SLIT2: variants seen among roughly 807,000 people sequenced by gnomAD.
SLIT2 encodes slit homolog 2 protein.
A neutral mutation model predicts 185.7 loss-of-function variants in SLIT2; 41 were observed. That is an observed-to-expected ratio of 0.22 (90% CI 0.17 to 0.29). The LOEUF (loss-of-function observed/expected upper bound fraction) is 0.29. Ranked by LOEUF, SLIT2 falls within the 10% of genes least tolerant of loss-of-function variation. SLIT2 has a pLI of 1.00. For missense variants in SLIT2, 1,571 were observed against 1,909.0 expected (o/e 0.82, Z 3.30); for synonymous variants, 693 against 680.2 (o/e 1.02, Z -0.29).
intron 4 of SLIT2, among the ~76,000 whole-genome samples, chr4:20,426,553 C>T (rs546240062): frequency 1.3e-5 from 2 of 152,038 alleles, no homozygotes; most frequent in Admixed American, 6.6e-5. Flanking sequence ...TTGACAGGTA[C>T]GGCCATTTGC....
chr4:20,319,582 G>A (rs1318903969), intron 4 of SLIT2, among the ~76,000 whole-genome samples: 1 of 152,072 alleles, frequency 6.6e-6, no homozygotes, highest in Non-Finnish European at 1.5e-5. Flanking sequence ...ATATTTATTT[G>A]TGTGGCTTTT....
At chr4:20,419,920 T>G (rs562293278) in intron 4 of SLIT2, among the ~76,000 whole-genome samples, 28 of 152,232 alleles carry the variant, frequency 1.8e-4, no homozygotes, top group Non-Finnish European at 3.7e-4. Flanking sequence ...CTTTTGGTCC[T>G]AGAAAAGGTC....
At chr4:20,601,598 G>C (rs1028947301) in intron 33 of SLIT2, among the ~76,000 whole-genome samples, 1 of 152,072 alleles carries the variant, frequency 6.6e-6, no homozygotes, top group African/African-American at 2.4e-5. Context: ...TCTTAGCTCT[G>C]ATACGGCTAA....
At chr4:20,460,828 C>G (rs1345062918) in intron 4 of SLIT2, among the ~76,000 whole-genome samples, 1 of 152,078 alleles carries the variant, frequency 6.6e-6, no homozygotes, top group African/African-American at 2.4e-5. Context: ...CTAAAAATGT[C>G]AACTTAAATT....
At chr4:20,497,532 G>A (rs1402047321) in intron 9 of SLIT2, among the ~76,000 whole-genome samples, 1 of 152,128 alleles carries the variant, frequency 6.6e-6, no homozygotes, top group Non-Finnish European at 1.5e-5. Context: ...ACGTAGACAA[G>A]GCATTAAGAT....
At chr4:20,272,271 T>TAAAAAA (rs5856553) in intron 4 of SLIT2, among the ~76,000 whole-genome samples, 1 of 145,214 alleles carries the variant, frequency 6.9e-6, no homozygotes, top group African/African-American at 2.6e-5. Flanking sequence ...GGTTGGAGGT[T>TAAAAAA]AAAAAAAAAA....
chr4:20,511,587 A>ATTTTTTTTTTTATTTTTTTTTTTTTTT (rs1553915355), intron 11 of SLIT2, among the ~76,000 whole-genome samples: 1 of 82,210 alleles, frequency 1.2e-5, no homozygotes, highest in Non-Finnish European at 2.2e-5. Flanking sequence ...CATCCAGCTA[A>ATTTTTTTTTTTATTTTTTTTTTTTTTT]TTTTTTTTTT....
chr4:20,460,207 A>G (rs1002470614), intron 4 of SLIT2, among the ~76,000 whole-genome samples: 1 of 151,814 alleles, frequency 6.6e-6, no homozygotes, highest in East Asian at 1.9e-4. Context: ...TTGCGCAAAC[A>G]TTTGGCGATG....
chr4:20,375,030 G>C (rs1171203185), intron 4 of SLIT2, among the ~76,000 whole-genome samples: 2 of 151,964 alleles, frequency 1.3e-5, no homozygotes, highest in African/African-American at 4.8e-5. Flanking sequence ...AAAGAATGGA[G>C]CAGTGAACTA....
At chr4:20,599,579 TA>T (rs1461019882) in intron 33 of SLIT2, among the ~76,000 whole-genome samples, 1 of 152,170 alleles carries the variant, frequency 6.6e-6, no homozygotes, top group African/African-American at 2.4e-5. Flanking sequence ...GAACCAATAG[TA>T]AATATTTGTC....
At chr4:20,323,784 G>A (rs1400135179) in intron 4 of SLIT2, among the ~76,000 whole-genome samples, 1 of 152,186 alleles carries the variant, frequency 6.6e-6, no homozygotes, top group Admixed American at 6.6e-5. Flanking sequence ...ATCAAGTTAT[G>A]TCACTCGAAC....
intron 33 of SLIT2, among the ~76,000 whole-genome samples, chr4:20,601,859 T>C (rs1728435158): frequency 6.6e-6 from 1 of 152,232 alleles, no homozygotes; most frequent in Admixed American, 6.5e-5. Flanking sequence ...TAATTCTATG[T>C]TATATAAAAT....
intron 4 of SLIT2, among the ~76,000 whole-genome samples, chr4:20,350,509 G>T (rs1373173386): frequency 6.6e-6 from 1 of 152,000 alleles, no homozygotes; most frequent in Non-Finnish European, 1.5e-5. Context: ...CGCATCATCT[G>T]ATGGCCCTAT....
chr4:20,483,256 T>C (rs1446094820), intron 6 of SLIT2, among the ~76,000 whole-genome samples: 2 of 151,968 alleles, frequency 1.3e-5, no homozygotes, highest in African/African-American at 4.8e-5. Flanking sequence ...ATGAAAAGTA[T>C]CAAATTAGGA....
chr4:20,294,943 A>T (rs1716320379), intron 4 of SLIT2, among the ~76,000 whole-genome samples: 1 of 152,246 alleles, frequency 6.6e-6, no homozygotes, highest in Non-Finnish European at 1.5e-5. Flanking sequence ...TATTTAGAAG[A>T]AAGAGATAAA....
intron 29 of SLIT2, among the ~76,000 whole-genome samples, chr4:20,579,623 T>C (rs1726368039): frequency 6.6e-6 from 1 of 151,872 alleles, no homozygotes; most frequent in African/African-American, 2.4e-5. Context: ...ATTTGCTAGA[T>C]CTAGCACAAA....
intron 4 of SLIT2, among the ~76,000 whole-genome samples, chr4:20,280,833 G>GTTTTTTTT (rs34477780): frequency 2.2e-4 from 29 of 130,636 alleles, no homozygotes; most frequent in African/African-American, 7.0e-4. Flanking sequence ...TTAAAAAAAT[G>GTTTTTTTT]TTTTTTTTTT....
rs979854269 is a variant in SLIT2, at chr4:20,620,536, A to G, written c.*1527A>G. The stretch of plus-strand genomic sequence containing the variant: ...ATCGGTTACACTGCTGATGTTTGTA[A>G]ATTAAACAGATATTTACTTCATTAA... On this transcript the variant is annotated 3_prime_UTR_variant, in exon 37 of 37. Coordinates refer to ENST00000504154, the MANE Select transcript of SLIT2 (RefSeq NM_004787.4). The G allele has an allele frequency of 2.8e-6, 1 of 361,566 alleles. No individual in the cohort carries two copies. The highest frequency in any genetic ancestry group is 3.7e-5 in the Admixed American group (1 of 26,732). 22.4% of individuals were successfully genotyped at this position (361,566 alleles called of 1,614,324 possible).
intron 12 of SLIT2, among the ~76,000 whole-genome samples, chr4:20,522,101 A>G (rs1174275657): frequency 6.6e-6 from 1 of 152,162 alleles, no homozygotes; most frequent in Non-Finnish European, 1.5e-5. Context: ...CTCTCCTTAT[A>G]TAATAACACG....
Sources: gnomAD v4.1 joint callset for allele counts (sites outside exome capture counted in the v4.1 genomes callset) on GRCh38, gnomAD v4.1.1 for gene constraint, MANE v1.5 for transcripts, NCBI Gene and HGNC (gene_info 2026-07-23, HGNC 2026-07-21) for gene names.